The following UNC13C variants were observed in gnomAD, a reference collection of about 807,000 sequenced individuals.
The protein encoded by UNC13C is unc-13 homolog C, also known as protein unc-13 homolog C.
Under a neutral mutation model 245.4 loss-of-function variants are expected in UNC13C, and 174 were observed. The observed-to-expected ratio is 0.71, with a 90% CI of 0.63 to 0.80. The LOEUF is 0.80. Ranked by LOEUF, UNC13C falls within the 30% of genes least tolerant of loss-of-function variation. UNC13C has a pLI of 0.00. For missense variants in UNC13C, 2,829 were observed against 2,602.9 expected, an observed-to-expected ratio of 1.09 and a Z score of -1.89; for synonymous variants, 992 against 895.1, an observed-to-expected ratio of 1.11 and a Z score of -1.93.
intron 16 of UNC13C, among the ~76,000 whole-genome samples, chr15:54,334,342 A>G (rs1026379406): frequency 3.3e-5 from 5 of 152,136 alleles, no homozygotes; most frequent in Admixed American, 6.6e-5. Flanking sequence ...GCTAGGCCTT[A>G]CAAACCAGGT....
chr15:54,051,636 CTTTATTTA>C (rs202229715), intron 2 of UNC13C, among the ~76,000 whole-genome samples: 17 of 150,926 alleles, frequency 1.1e-4, no homozygotes, highest in Admixed American at 1.1e-3. Context: ...GTTATACAGA[CTTTATTTA>C]TTTATTTATT....
At chr15:53,889,195 T>A in the UNC13C span, among the ~76,000 whole-genome samples, 1 of 152,166 alleles carries the variant, frequency 6.6e-6, no homozygotes, top group Non-Finnish European at 1.5e-5. Context: ...ATGGAATGTT[T>A]TTCCATTTGT....
At chr15:54,265,952 G>A (rs1413508899) in intron 10 of UNC13C, among the ~76,000 whole-genome samples, 1 of 151,946 alleles carries the variant, frequency 6.6e-6, no homozygotes, top group African/African-American at 2.4e-5. Context: ...GATGATAACT[G>A]TTATAACCTT....
chr15:53,922,435 G>A, the UNC13C span, among the ~76,000 whole-genome samples: 2 of 152,196 alleles, frequency 1.3e-5, no homozygotes, highest in Admixed American at 1.3e-4. Flanking sequence ...TGAAGAAACG[G>A]AAGCCAATGG....
Position 54,013,238 on chromosome 15 carries a change from A to T in UNC13C, c.335A>T (p.Asp112Val). ...AAGAATGCTAAAGTAACCAACAGTG[A>T]TAATGAGGATCTGCTTCAAGAGCTC... is the stretch of plus-strand genomic sequence containing the variant. ...LQKNAKVTNS[D>V]NEDLLQELSS... Residue 112 changes from aspartate (D) to valine (V), a missense_variant, in exon 2 of 33, where the codon GAT (aspartate) becomes GTT (valine). Transcript: ENST00000260323. The T allele has an allele frequency of 1.2e-6, 2 of 1,613,800 alleles. No homozygotes were observed. The highest frequency in any genetic ancestry group is 2.2e-5 in the South Asian group (2 of 91,074).
intron 2 of UNC13C, among the ~76,000 whole-genome samples, chr15:54,055,225 GA>G (rs1278532106): frequency 6.6e-6 from 1 of 152,080 alleles, no homozygotes; most frequent in African/African-American, 2.4e-5. Flanking sequence ...TTTTAGTATG[GA>G]AAAATCATGC....
At chr15:54,580,030 T>C (rs186830177) in intron 30 of UNC13C, among the ~76,000 whole-genome samples, 4 of 152,354 alleles carry the variant, frequency 2.6e-5, no homozygotes, top group Admixed American at 2.6e-4. Context: ...ATAAGTTGTC[T>C]GGGAATCTTG....
Position 54,038,646 on chromosome 15 carries a change from T to C in UNC13C, c.2983+22760T>C, listed in dbSNP as rs114181859. Among the ~76,000 whole-genome samples, 418 of 152,284 alleles carry C rather than the reference T, an allele frequency of 2.7e-3. 4 individuals are homozygous for C. Among genetic ancestry groups the C allele is most frequent in the African/African-American group, 9.5e-3 (393 of 41,564 alleles). ...TCTTTCCAAGTGATTAAGTGATTCT[T>C]TAAAATAAATTAAACTTATGAAGTC... is the stretch of plus-strand genomic sequence containing the variant. On this transcript the variant is annotated intron_variant, in intron 2 of 32. Transcript: ENST00000260323.
At position 54,307,277 on chromosome 15, in the gene UNC13C, C is replaced by CA. The variant is rs2037751736; in HGVS notation, c.4268+6905dup. Among the ~76,000 whole-genome samples, 4 of 152,008 alleles carry CA rather than the reference C, an allele frequency of 2.6e-5. 1 individual carries two copies. Among genetic ancestry groups the CA allele is most frequent in the South Asian group, 4.2e-4 (2 of 4,816 alleles). ...GTCTGACGAGGGCCATTTCCTGGTT[C>CA]ATTTATGGCTGTCATTTCACTGTGT... is the stretch of plus-strand genomic sequence containing the variant. On this transcript the variant is annotated intron_variant, in intron 13 of 32. Transcript: ENST00000260323.
At chr15:54,179,389 A>G (rs80067682) in intron 4 of UNC13C, among the ~76,000 whole-genome samples, 5,438 of 152,216 alleles carry the variant, frequency 0.036, 284 homozygotes, top group East Asian at 0.11. Flanking sequence ...GGGCAGAAGT[A>G]TACATGCACT....
chr15:54,080,733 G>C (rs1281324036), intron 2 of UNC13C, among the ~76,000 whole-genome samples: 1 of 151,934 alleles, frequency 6.6e-6, no homozygotes, highest in Admixed American at 6.6e-5. Context: ...TCTAGATATT[G>C]ATATGTCAGT....
chr15:54,285,200 C>T (rs2037110440), intron 10 of UNC13C, among the ~76,000 whole-genome samples: 1 of 151,912 alleles, frequency 6.6e-6, no homozygotes, highest in Non-Finnish European at 1.5e-5. Flanking sequence ...AATGGATTTA[C>T]AGTGCCTTAA....
At chr15:54,599,802 C>T (rs9920919) in intron 30 of UNC13C, among the ~76,000 whole-genome samples, 74,866 of 151,786 alleles carry the variant, frequency 0.49, 18,993 homozygotes, top group East Asian at 0.68. Flanking sequence ...AAATGAAGGA[C>T]ATCTGCTTCT....
At chr15:54,222,890 T>C (rs966360759) in intron 4 of UNC13C, among the ~76,000 whole-genome samples, 2 of 152,186 alleles carry the variant, frequency 1.3e-5, no homozygotes, top group Non-Finnish European at 2.9e-5. Context: ...TTTGTATGTC[T>C]TCATTGAGAA....
At chr15:54,401,690 GA>G (rs1361996713) in intron 18 of UNC13C, among the ~76,000 whole-genome samples, 1 of 152,060 alleles carries the variant, frequency 6.6e-6, no homozygotes, top group African/African-American at 2.4e-5. Flanking sequence ...AAGAATAGCA[GA>G]GTCACGTACT....
the UNC13C span, among the ~76,000 whole-genome samples, chr15:53,839,145 G>A: frequency 6.6e-6 from 1 of 151,996 alleles, no homozygotes; most frequent in Non-Finnish European, 1.5e-5. Flanking sequence ...ATGGGCAGGT[G>A]TGTGTGTGTT....
At chr15:53,942,897 A>G in the UNC13C span, among the ~76,000 whole-genome samples, 1 of 152,214 alleles carries the variant, frequency 6.6e-6, no homozygotes, top group African/African-American at 2.4e-5. Flanking sequence ...TCCTGGCCTC[A>G]AGTGATCCAC....
At chr15:54,526,764 A>AAT (rs1036388365) in intron 25 of UNC13C, among the ~76,000 whole-genome samples, 1 of 148,744 alleles carries the variant, frequency 6.7e-6, no homozygotes, top group Non-Finnish European at 1.5e-5. Flanking sequence ...AAAAAAAAAA[A>AAT]GATTGCTCTC....
intron 2 of UNC13C, among the ~76,000 whole-genome samples, chr15:54,026,023 A>AT (rs1441469383): frequency 5.9e-5 from 9 of 152,172 alleles, no homozygotes; most frequent in African/African-American, 1.4e-4. Flanking sequence ...TTCTTTAGTG[A>AT]TTACAGTTAA....
Sources: gnomAD v4.1 joint callset for allele counts (sites outside exome capture counted in the v4.1 genomes callset) on GRCh38, gnomAD v4.1.1 for gene constraint, MANE v1.5 for transcripts, NCBI Gene and HGNC (gene_info 2026-07-23, HGNC 2026-07-21) for gene names.